Variants in DAB2IP observed in about 807,000 individuals in gnomAD.
DAB2IP encodes DAB2 interacting protein.
In DAB2IP, 28 loss-of-function variants were observed where a neutral mutation model predicts 107.2. The observed-to-expected ratio is 0.26, with a 90% CI of 0.19 to 0.36. The LOEUF is 0.36. Among genes scored for constraint, DAB2IP ranks in the 10% least tolerant of loss-of-function variants. The pLI is 1.00. For synonymous variants in DAB2IP, 755 were observed against 706.4 expected, an observed-to-expected ratio of 1.07 and a Z score of -1.09; for missense variants, 1,400 against 1,644.7, an observed-to-expected ratio of 0.85 and a Z score of 2.57.
chr9:121,783,600 G>C, exon 16 of DAB2IP: 1 of 1,602,920 alleles, frequency 6.2e-7, no homozygotes, highest in Non-Finnish European at 8.5e-7. Flanking sequence ...TAAGTTGAGC[G>C]TGCGCACTGC....
intron 1 of DAB2IP, among the ~76,000 whole-genome samples, chr9:121,646,308 G>A (rs1832534590): frequency 6.6e-6 from 1 of 152,132 alleles, no homozygotes; most frequent in African/African-American, 2.4e-5. Flanking sequence ...CTTGGGGCTT[G>A]TCTATGCTTT....
chr9:121,780,189 T>A (rs910087908), intron 14 of DAB2IP, among the ~76,000 whole-genome samples: 4 of 150,876 alleles, frequency 2.7e-5, no homozygotes, highest in African/African-American at 1.0e-4. Context: ...CCCGGCCCTA[T>A]TTGTTTTTAA....
chr9:121,721,831 G>C (rs1261559273), intron 3 of DAB2IP, among the ~76,000 whole-genome samples: 1 of 152,200 alleles, frequency 6.6e-6, no homozygotes, highest in Non-Finnish European at 1.5e-5. Flanking sequence ...TGGGGAGGGG[G>C]CACCTGGACA....
chr9:121,741,434 G>C (rs116069116), intron 3 of DAB2IP, among the ~76,000 whole-genome samples: 3 of 152,202 alleles, frequency 2.0e-5, no homozygotes, highest in African/African-American at 7.2e-5. Context: ...CTGACAGCCT[G>C]TGTGGCTTTA....
At chr9:121,734,378 C>T (rs945398061) in intron 3 of DAB2IP, among the ~76,000 whole-genome samples, 1 of 136,212 alleles carries the variant, frequency 7.3e-6, no homozygotes, top group Non-Finnish European at 1.5e-5. Context: ...AGCGAGACTC[C>T]GTCTCAAAAA....
At chr9:121,661,849 C>T (rs1833220151) in intron 1 of DAB2IP, among the ~76,000 whole-genome samples, 1 of 151,964 alleles carries the variant, frequency 6.6e-6, no homozygotes, top group Admixed American at 6.5e-5. Flanking sequence ...GTTGTGGTGG[C>T]ACAGGCCTGT....
At chr9:121,651,068 A>T (rs1262169947), upstream of DAB2IP, among the ~76,000 whole-genome samples, 5 of 152,104 alleles carry the variant, frequency 3.3e-5, no homozygotes, top group Non-Finnish European at 7.4e-5. The surrounding 1 kb of genome is among the most constrained non-coding windows in gnomAD (Gnocchi z 5.1). Flanking sequence ...TAGGGTAGGG[A>T]TTGTTCTGCC....
rs184112259 is a variant in DAB2IP, at chr9:121,636,747, C to A, written c.41-41931C>A. Reference sequence around the variant, plus strand: ...CCATGTCAGCCTGGAGGAGTCTTTGCATGTCTTTACACCACGTCTTGATTC... The same window carrying A: ...CCATGTCAGCCTGGAGGAGTCTTTGAATGTCTTTACACCACGTCTTGATTC... On this transcript the variant is annotated intron_variant, in intron 1 of 16. Coordinates refer to the DAB2IP transcript ENST00000259371. Among the ~76,000 whole-genome samples the A allele has an allele frequency of 1.2e-3, 188 of 152,326 alleles. 1 individual carries two copies. The highest frequency in any genetic ancestry group is 3.8e-3 in the African/African-American group (158 of 41,566).
At chr9:121,783,678 G>A in exon 16 of DAB2IP, 1 of 1,217,396 alleles carries the variant, frequency 8.2e-7, no homozygotes. Flanking sequence ...GCCTGCACCT[G>A]CCCCGTGTGT....
chr9:121,783,875 G>T (rs1835831472), exon 16 of DAB2IP: 3 of 393,820 alleles, frequency 7.6e-6, no homozygotes, highest in Admixed American at 3.6e-5. Context: ...GCCCCTGTCT[G>T]TTCCCAGCCC....
chr9:121,773,920 T>C (rs1383759761), intron 12 of DAB2IP, among the ~76,000 whole-genome samples: 1 of 152,220 alleles, frequency 6.6e-6, no homozygotes, highest in Non-Finnish European at 1.5e-5. Context: ...AGGCAGTGTC[T>C]GGAGTGGAGG....
intron 14 of DAB2IP, among the ~76,000 whole-genome samples, chr9:121,781,018 G>A (rs1835588150): frequency 6.6e-6 from 1 of 152,228 alleles, no homozygotes; most frequent in African/African-American, 2.4e-5. Context: ...CTCCTTGAGG[G>A]AAAGGACTAG....
chr9:121,733,476 A>C (rs1831665974), intron 3 of DAB2IP, among the ~76,000 whole-genome samples: 1 of 152,240 alleles, frequency 6.6e-6, no homozygotes, highest in Non-Finnish European at 1.5e-5. Context: ...GGACATCTTC[A>C]GATCTGAAAG....
chr9:121,587,630 AG>A (rs1214159078), intron 1 of DAB2IP, among the ~76,000 whole-genome samples: 1 of 151,040 alleles, frequency 6.6e-6, no homozygotes, highest in Non-Finnish European at 1.5e-5. Context: ...AAAAAAAAAA[AG>A]AATAGGGTTG....
intron 1 of DAB2IP, among the ~76,000 whole-genome samples, chr9:121,643,789 T>C (rs1295291040): frequency 6.7e-6 from 1 of 150,186 alleles, no homozygotes; most frequent in Non-Finnish European, 1.5e-5. Context: ...TCTCTCCCAC[T>C]GTTGCTAAGA....
chr9:121,772,738 T>G lies in DAB2IP; in HGVS notation c.2210T>G (p.Leu737Arg), dbSNP rs1834855773. Reference sequence around the variant, plus strand: ...TACTCGGAAGCCAACGAGCCTGATCTTCAGATGGCCAACGGTGGCAAGAGC... The same window carrying G: ...TACTCGGAAGCCAACGAGCCTGATCGTCAGATGGCCAACGGTGGCAAGAGC... The change falls in exon 12 of 16, where the codon CTT (leucine) becomes CGT (arginine). Residue 737 changes from leucine (L) to arginine (R), a missense_variant. By Grantham distance (102) the Leu-to-Arg change is moderately radical. This residue lies in a region of DAB2IP where 600 missense variants were observed against 659.1 expected (regional missense o/e 0.91). Transcript: ENST00000408936. The surrounding 1 kb of genome is among the most constrained non-coding windows in gnomAD (Gnocchi z 4.7). 4 of 1,613,898 alleles carry G rather than the reference T, an allele frequency of 2.5e-6. No homozygotes were observed. The African/African-American group carries it at 4.0e-5, about 16-fold the overall frequency.
In DAB2IP at chr9:121,784,888, C is replaced by T. The variant is rs530717464; in HGVS notation, c.*2390C>T. On this transcript the variant is annotated 3_prime_UTR_variant, in exon 16 of 16. Coordinates refer to ENST00000408936, the Ensembl canonical transcript of DAB2IP. ...AGTCAACGGGGGGCTCCTGCCCAGG[C>T]CACAGAGAACCTGAGTTCCCGGGAG... 6 of 152,566 alleles carry T rather than the reference C, an allele frequency of 3.9e-5. No individual in the cohort carries two copies. In the East Asian group the frequency reaches 1.2e-3, roughly 30 times the overall value. The allele number at this position is 152,566 out of a possible 1,614,324, so 9.5% of individuals were successfully genotyped here.
At chr9:121,588,822 G>T (rs1207702014) in intron 1 of DAB2IP, among the ~76,000 whole-genome samples, 1 of 151,800 alleles carries the variant, frequency 6.6e-6, no homozygotes, top group Admixed American at 6.6e-5. Flanking sequence ...CAGGAAGGAG[G>T]TGTCACCTCT....
chr9:121,750,083 C>T (rs1247232967), intron 3 of DAB2IP, among the ~76,000 whole-genome samples: 5 of 152,184 alleles, frequency 3.3e-5, no homozygotes, highest in Admixed American at 2.0e-4. Flanking sequence ...CTGAGCCTCC[C>T]GCCTGCATGG....
Sources: allele counts gnomAD v4.1 joint callset (sites outside exome capture counted in the v4.1 genomes callset), GRCh38; gene constraint gnomAD v4.1.1; regional missense constraint gnomAD v4.1.1; non-coding constraint Gnocchi (gnomAD v3.1); transcripts MANE v1.5; gene names NCBI Gene and HGNC (gene_info 2026-07-23, HGNC 2026-07-21).